Variants in FBXW7 observed in about 807,000 individuals in gnomAD.
The protein encoded by FBXW7 is F-box/WD repeat-containing protein 7.
Under a neutral mutation model 86.3 loss-of-function variants are expected in FBXW7, and 11 were observed. That is an observed-to-expected ratio of 0.13 (90% CI 0.08 to 0.21). The LOEUF (loss-of-function observed/expected upper bound fraction) is 0.21. FBXW7 is among the 10% of genes least tolerant of loss of function. FBXW7 has a pLI of 1.00. For missense variants in FBXW7, 488 were observed against 847.4 expected (o/e 0.58, Z 5.27); for synonymous variants, 313 against 297.9 (o/e 1.05, Z -0.52).
intron 10 of FBXW7, chr4:152,328,624 A>G (rs1578883009): frequency 3.1e-6 from 1 of 323,648 alleles, no homozygotes; most frequent in East Asian, 5.0e-5. Flanking sequence ...GAAAGCAAAC[A>G]TATGATATAA....
intron 2 of FBXW7, among the ~76,000 whole-genome samples, chr4:152,521,545 A>G (rs1749012106): frequency 6.6e-6 from 1 of 152,206 alleles, no homozygotes; most frequent in African/African-American, 2.4e-5. Flanking sequence ...TGACTTCCCA[A>G]TTCTTCCAAA....
intron 2 of FBXW7, among the ~76,000 whole-genome samples, chr4:152,457,070 T>C (rs1742480694): frequency 6.6e-6 from 1 of 152,166 alleles, no homozygotes; most frequent in Non-Finnish European, 1.5e-5. Flanking sequence ...TGATCATTCA[T>C]CCAACAATAT....
intron 4 of FBXW7, among the ~76,000 whole-genome samples, chr4:152,405,095 T>TA (rs11394424): frequency 0.89 from 70,271 of 79,246 alleles, 31,679 homozygotes; most frequent in Non-Finnish European, 0.96. Context: ...GACCTTGTCT[T>TA]AAAAAAAAAA....
intron 2 of FBXW7, among the ~76,000 whole-genome samples, chr4:152,433,950 C>T (rs976079349): frequency 1.3e-5 from 2 of 152,176 alleles, no homozygotes; most frequent in South Asian, 2.1e-4. Flanking sequence ...GTCCCTCAAA[C>T]AACATGAGTT....
chr4:152,514,325 C>T (rs1748260410), intron 2 of FBXW7, among the ~76,000 whole-genome samples: 1 of 152,062 alleles, frequency 6.6e-6, no homozygotes, highest in Admixed American at 6.6e-5. Context: ...ACTATACACA[C>T]CAAGGAGCAT....
intron 4 of FBXW7, among the ~76,000 whole-genome samples, chr4:152,376,592 A>C (rs1734542239): frequency 6.6e-6 from 1 of 152,184 alleles, no homozygotes; most frequent in Non-Finnish European, 1.5e-5. Flanking sequence ...GAGAAGATTA[A>C]AATTTTGAAT....
chr4:152,419,532 C>CACAG lies in FBXW7; in HGVS notation c.-119-7004_-119-7003insCTGT, dbSNP rs1316936079. 6.6e-5 allele frequency among the ~76,000 whole-genome samples: 10 copies of CACAG among 151,414 alleles called. No homozygotes were observed. In the South Asian group the frequency reaches 2.1e-3, roughly 32 times the overall value. On this transcript the variant is annotated intron_variant, in intron 2 of 13. Transcript: ENST00000281708. Reference sequence around the variant, plus strand: ...ACACACACACACACACACACACACACACACAGAGTGGCAAAGTCTTAAAAA... The same window carrying CACAG: ...ACACACACACACACACACACACACACACAGACACAGAGTGGCAAAGTCTTAAAAA...
chr4:152,517,375 A>G (rs1748593728), intron 2 of FBXW7, among the ~76,000 whole-genome samples: 1 of 152,222 alleles, frequency 6.6e-6, no homozygotes, highest in African/African-American at 2.4e-5. Flanking sequence ...AAATAAACAA[A>G]TGGAATAATA....
chr4:152,410,144 T>C (rs1737808823), intron 4 of FBXW7, among the ~76,000 whole-genome samples: 1 of 152,150 alleles, frequency 6.6e-6, no homozygotes, highest in Non-Finnish European at 1.5e-5. Flanking sequence ...CAAGGCTTAG[T>C]TTTGATTGAA....
At chr4:152,528,124 G>A (rs1317925895) in intron 2 of FBXW7, among the ~76,000 whole-genome samples, 1 of 152,108 alleles carries the variant, frequency 6.6e-6, no homozygotes, top group Non-Finnish European at 1.5e-5. Context: ...CAGTCATGCA[G>A]AAATGAACAT....
intron 5 of FBXW7, chr4:152,348,645 G>C: frequency 1.3e-6 from 1 of 785,900 alleles, no homozygotes; most frequent in Non-Finnish European, 1.7e-6. Flanking sequence ...ATTCTAAGCT[G>C]CCTTAAAAAC....
chr4:152,434,729 T>C (rs959499452), intron 2 of FBXW7, among the ~76,000 whole-genome samples: 3 of 152,058 alleles, frequency 2.0e-5, no homozygotes, highest in African/African-American at 7.2e-5. Flanking sequence ...GAGAAGAAAA[T>C]ATCATTTGCA....
At chr4:152,352,548 G>T (rs532708974) in intron 4 of FBXW7, 11 of 1,613,684 alleles carry the variant, frequency 6.8e-6, no homozygotes, top group Admixed American at 1.7e-5. Flanking sequence ...CTGTGCCCCC[G>T]TGTGTCCGGC....
intron 2 of FBXW7, among the ~76,000 whole-genome samples, chr4:152,497,247 C>G (rs746222922): frequency 2.8e-5 from 4 of 141,570 alleles, no homozygotes; most frequent in Non-Finnish European, 4.5e-5. Context: ...CACTTGAACC[C>G]GGGAGGCAGA....
rs77646383 is a variant in FBXW7 at position 152,433,815 on chromosome 4, T to G, written c.-119-21286A>C. Among the ~76,000 whole-genome samples the G allele has an allele frequency of 8.9e-3, 1,362 of 152,306 alleles. 17 individuals are homozygous for G. The highest frequency in any genetic ancestry group is 0.042 in the East Asian group (218 of 5,182). On this transcript the variant is annotated intron_variant, in intron 2 of 13. Transcript: ENST00000281708. ...AAAAATCTATATTCACTATGCTTTC[T>G]AGTTCACAATCTGAAAAAAAAATGA...
In FBXW7 at chr4:152,351,564, G is replaced by A. The variant is rs375884353; in HGVS notation, c.502-1440C>T. Among the ~76,000 whole-genome samples, 125 of 152,164 alleles carry A rather than the reference G, an allele frequency of 8.2e-4. No homozygotes were observed. In the East Asian group the frequency reaches 0.01, roughly 12 times the overall value. Reference sequence around the variant, plus strand: ...ATATAAAAGCTGAAGTATATAGGTAGCCACGTGTTTCCGTGTATATAATTT... The same window carrying A: ...ATATAAAAGCTGAAGTATATAGGTAACCACGTGTTTCCGTGTATATAATTT... On this transcript the variant is annotated intron_variant, in intron 4 of 13. Transcript: ENST00000281708.
chr4:152,441,402 A>C (rs1740881962), intron 2 of FBXW7, among the ~76,000 whole-genome samples: 1 of 152,210 alleles, frequency 6.6e-6, no homozygotes, highest in African/African-American at 2.4e-5. Context: ...CTTTAATCTT[A>C]ATCTTGTCTC....
chr4:152,350,315 G>A (rs935825978), intron 4 of FBXW7, among the ~76,000 whole-genome samples, 191 bp from the exon 5 acceptor site: 5 of 151,578 alleles, frequency 3.3e-5, no homozygotes, highest in African/African-American at 1.2e-4. Context: ...ATGGAAAGGT[G>A]AATTTTCCCC....
At chr4:152,468,869 C>T (rs576012601) in intron 2 of FBXW7, among the ~76,000 whole-genome samples, 146 of 152,104 alleles carry the variant, frequency 9.6e-4, no homozygotes, top group African/African-American at 3.3e-3. Flanking sequence ...CAATAAGTTA[C>T]TCTTTTGTAC....
Sources: gnomAD v4.1 joint callset for allele counts (sites outside exome capture counted in the v4.1 genomes callset) on GRCh38, gnomAD v4.1.1 for gene constraint, MANE v1.5 for transcripts, NCBI Gene and HGNC (gene_info 2026-07-23, HGNC 2026-07-21) for gene names.